The following FRK variants were observed in gnomAD, a reference collection of about 807,000 sequenced individuals.
The protein encoded by FRK is fyn related Src family tyrosine kinase, also known as tyrosine-protein kinase FRK.
Under a neutral mutation model 56.4 loss-of-function variants are expected in FRK, and 51 were observed. The observed-to-expected ratio is 0.90, with a 90% confidence interval of 0.72 to 1.14. The LOEUF is 1.14. FRK is among the 50% of genes most tolerant of loss of function. FRK has a pLI of 0.00. For missense variants in FRK, 570 were observed against 601.4 expected (o/e 0.95, Z 0.55); for synonymous variants, 245 against 217.9 (o/e 1.12, Z -1.10).
chr6:115,942,842 A>G (rs978628383), intron 7 of FRK, among the ~76,000 whole-genome samples, 178 bp downstream of exon 7: 1 of 152,150 alleles, frequency 6.6e-6, no homozygotes, highest in Non-Finnish European at 1.5e-5. Context: ...AGGAGAGGGA[A>G]GCAATAAACC....
rs767834932 is a variant in FRK, at chr6:116,060,134, C to A, written c.178G>T (p.Asp60Tyr). The A allele has an allele frequency of 6.2e-7, 1 of 1,614,170 alleles. No homozygotes were observed. Among genetic ancestry groups the A allele is most frequent in the Non-Finnish European group, 8.5e-7 (1 of 1,180,034 alleles). The stretch of plus-strand genomic sequence containing the variant: ...TTGTCACCTGCTCGGAAGCTCAAGT[C>A]CTCAGCAGTCCGAGCCTGGTAATCA... The part of the protein sequence containing the change: ...LFDYQARTAE[D>Y]LSFRAGDKLQ... Residue 60 changes from aspartate to tyrosine, a missense_variant, in exon 1 of 8, where the codon GAC (aspartate) becomes TAC (tyrosine). Transcript: ENST00000606080.
intron 5 of FRK, among the ~76,000 whole-genome samples, chr6:115,951,046 C>T (rs1223035980): frequency 6.6e-6 from 1 of 152,096 alleles, no homozygotes; most frequent in Non-Finnish European, 1.5e-5. Flanking sequence ...GGAGGGACAG[C>T]ATTAGGAGAA....
chr6:116,016,633 T>C (rs1444462500), intron 1 of FRK, among the ~76,000 whole-genome samples: 1 of 152,080 alleles, frequency 6.6e-6, no homozygotes, highest in South Asian at 2.1e-4. Flanking sequence ...TTTGGGGGGA[T>C]TAAAATGAAG....
chr6:116,077,276 G>A, the FRK span, among the ~76,000 whole-genome samples: 15,264 of 152,220 alleles, frequency 0.1, 887 homozygotes, highest in African/African-American at 0.16. Flanking sequence ...ATCCAATGCC[G>A]AAGGCTTCAT....
chr6:115,959,502 T>C (rs1049931499), intron 4 of FRK, among the ~76,000 whole-genome samples: 2 of 152,210 alleles, frequency 1.3e-5, no homozygotes, highest in African/African-American at 4.8e-5. Flanking sequence ...ACAGTGATTG[T>C]GAAAATCTCA....
In FRK at chr6:115,940,546, T is replaced by A. The variant is rs2114500281; in HGVS notation, c.*1868A>T. ...CTATCATCAGAGTGAACAGGCAACC[T>A]ACAGAATGGGAGAAAATTTTTGCAA... On this transcript the variant is annotated 3_prime_UTR_variant, in exon 8 of 8. Transcript: ENST00000606080. The A allele has an allele frequency of 6.6e-6, 1 of 152,212 alleles. No individual in the cohort carries two copies. The highest frequency in any genetic ancestry group is 2.1e-4 in the South Asian group (1 of 4,820). 9.4% of individuals were successfully genotyped at this position (152,212 alleles called of 1,614,324 possible).
chr6:116,028,474 T>C (rs1776181579), intron 1 of FRK, among the ~76,000 whole-genome samples: 1 of 152,180 alleles, frequency 6.6e-6, no homozygotes, highest in Non-Finnish European at 1.5e-5. Context: ...ATCTTCTTCC[T>C]ACAGCTCTCA....
At chr6:116,036,591 T>A (rs1395238912) in intron 1 of FRK, among the ~76,000 whole-genome samples, 2 of 152,076 alleles carry the variant, frequency 1.3e-5, no homozygotes, top group East Asian at 3.8e-4. Flanking sequence ...ACAAAATCCT[T>A]TATATCATCC....
At chr6:115,977,322 A>C (rs1269761170) in intron 2 of FRK, among the ~76,000 whole-genome samples, 1 of 152,170 alleles carries the variant, frequency 6.6e-6, no homozygotes, top group Admixed American at 6.5e-5. Flanking sequence ...ATCACGTAGA[A>C]GAGTTGTTCT....
intron 2 of FRK, among the ~76,000 whole-genome samples, chr6:115,999,156 T>C (rs1774952780): frequency 6.6e-6 from 1 of 152,204 alleles, no homozygotes; most frequent in African/African-American, 2.4e-5. Flanking sequence ...AAGTAATTGA[T>C]TGAAGTCAAG....
At chr6:116,097,354 T>C in the FRK span, among the ~76,000 whole-genome samples, 7 of 152,170 alleles carry the variant, frequency 4.6e-5, no homozygotes, top group East Asian at 3.9e-4. Flanking sequence ...ACAGAAGATA[T>C]GTAGATTGGC....
chr6:116,060,462 A>G lies in FRK; in HGVS notation c.-151T>C. 2 of 633,612 alleles carry G rather than the reference A, an allele frequency of 3.2e-6. No homozygotes were observed. The highest frequency in any genetic ancestry group is 2.8e-5 in the East Asian group (1 of 36,332). The allele number at this position is 633,612 out of a possible 1,614,324, so 39.2% of individuals were successfully genotyped here. A position where few individuals can be genotyped will look rare whatever the true frequency, so the allele number is the denominator to read the frequency against. On this transcript the variant is annotated 5_prime_UTR_variant, in exon 1 of 8. Transcript: ENST00000606080. ...GCAAAGTCCCGTTTCAGATCAGTCC[A>G]GCAGCTGGGTTGCAGCAAGTCCTAC... is the stretch of plus-strand genomic sequence containing the variant.
At chr6:116,092,149 C>T in the FRK span, among the ~76,000 whole-genome samples, 17 of 152,152 alleles carry the variant, frequency 1.1e-4, no homozygotes, top group Non-Finnish European at 2.1e-4. Flanking sequence ...GGCACCTGGG[C>T]TTACCAATCA....
At chr6:116,014,474 A>G (rs13213124) in intron 1 of FRK, among the ~76,000 whole-genome samples, 31,151 of 152,004 alleles carry the variant, frequency 0.2, 3,948 homozygotes, top group Middle Eastern at 0.36. Context: ...ATCTAAAAAA[A>G]TGAAAGACAA....
chr6:115,973,688 G>A (rs1300229534), intron 2 of FRK, among the ~76,000 whole-genome samples: 1 of 152,052 alleles, frequency 6.6e-6, no homozygotes, highest in Admixed American at 6.6e-5. Context: ...TGGCCAATAT[G>A]GCAAAACCCC....
the FRK span, among the ~76,000 whole-genome samples, chr6:116,090,169 G>A: frequency 6.6e-6 from 1 of 152,142 alleles, no homozygotes; most frequent in Non-Finnish European, 1.5e-5. Flanking sequence ...CGTGTCATGG[G>A]TCCTACACTC....
intron 1 of FRK, among the ~76,000 whole-genome samples, chr6:116,027,128 T>C (rs1417285149): frequency 1.3e-5 from 2 of 152,140 alleles, no homozygotes; most frequent in Non-Finnish European, 2.9e-5. Flanking sequence ...TACTAATTAC[T>C]TCACAAAGTG....
chr6:115,968,811 C>G, intron 2 of FRK, 72 bp from the exon 3 acceptor site: 1 of 1,230,364 alleles, frequency 8.1e-7, no homozygotes, highest in Non-Finnish European at 1.2e-6. Flanking sequence ...TTTGTGGTGA[C>G]ATTTTCAATG....
intron 1 of FRK, among the ~76,000 whole-genome samples, chr6:116,056,755 T>C (rs957475679): frequency 8.5e-5 from 13 of 152,160 alleles, no homozygotes; most frequent in Non-Finnish European, 1.3e-4. Flanking sequence ...ACATTGAAGA[T>C]GTTGAAGAAA....
Sources: gnomAD v4.1 joint callset for allele counts (sites outside exome capture counted in the v4.1 genomes callset) on GRCh38, gnomAD v4.1.1 for gene constraint, MANE v1.5 for transcripts, NCBI Gene and HGNC (gene_info 2026-07-23, HGNC 2026-07-21) for gene names.